The following NCAM1 variants were observed in gnomAD, a reference collection of about 807,000 sequenced individuals.
NCAM1 encodes neural cell adhesion molecule 1.
A neutral mutation model predicts 109.8 loss-of-function variants in NCAM1; 14 were observed. The ratio of observed to expected loss-of-function variants is 0.13; its 90% CI spans 0.08 to 0.20. NCAM1 has a LOEUF of 0.20. Among genes scored for constraint, NCAM1 ranks in the 10% least tolerant of loss-of-function variants. NCAM1 has a pLI of 1.00. For missense variants in NCAM1, 774 were observed against 1,109.9 expected (o/e 0.70, Z 4.30); for synonymous variants, 418 against 442.9 (o/e 0.94, Z 0.70).
intron 1 of NCAM1, among the ~76,000 whole-genome samples, chr11:113,145,910 T>C (rs1489502820): frequency 6.6e-6 from 1 of 152,186 alleles, no homozygotes; most frequent in Non-Finnish European, 1.5e-5. Context: ...AGCATCGCCA[T>C]AGAAATTGAC....
At chr11:113,224,074 G>A (rs782240566) in intron 9 of NCAM1, among the ~76,000 whole-genome samples, 12 of 152,202 alleles carry the variant, frequency 7.9e-5, no homozygotes, top group Admixed American at 2.0e-4. Context: ...GGGGACTGTC[G>A]GACAGTGGGT....
intron 9 of NCAM1, chr11:113,231,268 C>T: frequency 1.3e-6 from 2 of 1,536,080 alleles, no homozygotes; most frequent in African/African-American, 2.7e-5. Context: ...CCCAGGATCT[C>T]ATGAGGTAGG....
chr11:113,084,372 C>T (rs183392793), intron 1 of NCAM1, among the ~76,000 whole-genome samples: 2 of 152,200 alleles, frequency 1.3e-5, no homozygotes, highest in Admixed American at 1.3e-4. Context: ...TTTATAGATA[C>T]AGAAACTGGG....
intron 1 of NCAM1, among the ~76,000 whole-genome samples, chr11:113,011,874 A>C (rs1952064656): frequency 6.6e-6 from 1 of 152,162 alleles, no homozygotes; most frequent in African/African-American, 2.4e-5. Flanking sequence ...CTAAATGCAA[A>C]GTGTGATTCT....
intron 9 of NCAM1, among the ~76,000 whole-genome samples, chr11:113,225,263 G>A (rs782550126): frequency 6.6e-5 from 10 of 152,224 alleles, no homozygotes; most frequent in East Asian, 1.9e-4. Context: ...TGAAAACCAC[G>A]GCACGAGAAC....
intron 1 of NCAM1, among the ~76,000 whole-genome samples, chr11:113,146,425 T>C (rs1555101342): frequency 6.6e-6 from 1 of 152,222 alleles, no homozygotes; most frequent in Non-Finnish European, 1.5e-5. Flanking sequence ...TGGATTCCTG[T>C]TGCCACCTAG....
At chr11:113,268,754 C>T (rs1200155901) in intron 17 of NCAM1, among the ~76,000 whole-genome samples, 1 of 152,218 alleles carries the variant, frequency 6.6e-6, no homozygotes, top group Non-Finnish European at 1.5e-5. Flanking sequence ...TACTCAGTTA[C>T]ATGTTCCCTC....
intron 1 of NCAM1, among the ~76,000 whole-genome samples, chr11:113,142,727 T>A (rs1295252892): frequency 6.6e-6 from 1 of 152,184 alleles, no homozygotes; most frequent in Non-Finnish European, 1.5e-5. Context: ...CATCTGCTGC[T>A]GTCTTGCCAC....
chr11:113,066,064 T>C (rs369169301), intron 1 of NCAM1, among the ~76,000 whole-genome samples: 1 of 152,350 alleles, frequency 6.6e-6, no homozygotes, highest in East Asian at 1.9e-4. Context: ...GCCCATTCAT[T>C]TTCATAATTC....
At chr11:113,157,237 A>G (rs1281917616) in intron 1 of NCAM1, among the ~76,000 whole-genome samples, 1 of 152,144 alleles carries the variant, frequency 6.6e-6, no homozygotes, top group African/African-American at 2.4e-5. Context: ...GTTGGGTCCA[A>G]CAGAGAAATG....
chr11:113,075,609 A>G (rs947749528), intron 1 of NCAM1, among the ~76,000 whole-genome samples: 1 of 152,120 alleles, frequency 6.6e-6, no homozygotes, highest in African/African-American at 2.4e-5. Flanking sequence ...TACAAATATG[A>G]GTTTGAATAG....
intron 1 of NCAM1, among the ~76,000 whole-genome samples, chr11:113,047,294 G>T (rs1224934962): frequency 6.6e-6 from 1 of 151,782 alleles, no homozygotes; most frequent in Non-Finnish European, 1.5e-5. Context: ...ATAAAATCAT[G>T]ATGAAAAGTA....
At chr11:113,116,014 C>G (rs1555094800) in intron 1 of NCAM1, among the ~76,000 whole-genome samples, 1 of 152,056 alleles carries the variant, frequency 6.6e-6, no homozygotes, top group Non-Finnish European at 1.5e-5. Flanking sequence ...CTCTAATTCC[C>G]AAATAGACAC....
intron 14 of NCAM1, among the ~76,000 whole-genome samples, chr11:113,245,247 C>A (rs566858756): frequency 2.8e-4 from 42 of 151,986 alleles, no homozygotes; most frequent in Non-Finnish European, 2.2e-4. Context: ...TTGAGCCCAG[C>A]GGGGCCAACA....
chr11:113,211,239 C>A (rs1247564010), intron 7 of NCAM1, among the ~76,000 whole-genome samples: 1 of 152,140 alleles, frequency 6.6e-6, no homozygotes, highest in Non-Finnish European at 1.5e-5. Flanking sequence ...AGAAATGGGA[C>A]AGGTTCTGCA....
Position 113,232,200 on chromosome 11 carries a change from T to C in NCAM1, c.1271T>C (p.Val424Ala). 1 of 1,611,400 alleles carries C rather than the reference T, an allele frequency of 6.2e-7. No homozygotes were observed. Among genetic ancestry groups the C allele is most frequent in the Non-Finnish European group, 8.5e-7 (1 of 1,178,862 alleles). ...CCAAAGCTACAGGGCCCTGTGGCTG[T>C]GTACACTTGGGAGGGGAACCAGGTG... is the stretch of plus-strand genomic sequence containing the variant. ...YAPKLQGPVA[V>A]YTWEGNQVNI... Residue 424 changes from valine (V) to alanine (A), a missense_variant, in exon 11 of 20, where the codon GTG (valine) becomes GCG (alanine). Physicochemically the swap from Val to Ala is moderately conservative, Grantham distance 64. Coordinates refer to ENST00000316851, the MANE Select transcript of NCAM1 (RefSeq NM_181351.5).
At chr11:113,221,220 G>A (rs1944683901) in intron 8 of NCAM1, 76 bp from the exon 9 acceptor site, 1 of 1,439,768 alleles carries the variant, frequency 6.9e-7, no homozygotes, top group Non-Finnish European at 9.5e-7. Flanking sequence ...GGAATGCAGT[G>A]TGATACATTC....
chr11:113,013,626 A>AT (rs1228069229), intron 1 of NCAM1, among the ~76,000 whole-genome samples: 6 of 151,788 alleles, frequency 4.0e-5, no homozygotes, highest in Non-Finnish European at 8.8e-5. Flanking sequence ...TCTATGGGAG[A>AT]TTTTTTTTAA....
intron 9 of NCAM1, among the ~76,000 whole-genome samples, chr11:113,222,409 T>G (rs1565509734): frequency 6.6e-6 from 1 of 152,206 alleles, no homozygotes; most frequent in Non-Finnish European, 1.5e-5. Context: ...CTGATCTTAG[T>G]TTCTGCACAT....
Sources: gnomAD v4.1 joint callset for allele counts (sites outside exome capture counted in the v4.1 genomes callset) on GRCh38, gnomAD v4.1.1 for gene constraint, MANE v1.5 for transcripts, NCBI Gene and HGNC (gene_info 2026-07-23, HGNC 2026-07-21) for gene names.